The following RBMS3 variants were observed in gnomAD, a reference collection of about 807,000 sequenced individuals.
The protein encoded by RBMS3 is RNA-binding motif, single-stranded-interacting protein 3.
A neutral mutation model predicts 66.8 loss-of-function variants in RBMS3; 27 were observed. The ratio of observed to expected loss-of-function variants is 0.40; its 90% CI spans 0.30 to 0.56. RBMS3 has a LOEUF of 0.56. RBMS3 is among the 20% of genes least tolerant of loss of function. The probability of loss-of-function intolerance (pLI) is 0.40; values close to 1 mark genes in which losing one functional copy is unlikely to be tolerated. For synonymous variants in RBMS3, 188 were observed against 183.0 expected (o/e 1.03, Z -0.22); for missense variants, 513 against 549.5 (o/e 0.93, Z 0.66).
intron 1 of RBMS3, among the ~76,000 whole-genome samples, chr3:29,422,121 G>A (rs892870418): frequency 1.8e-4 from 28 of 152,272 alleles, no homozygotes; most frequent in African/African-American, 6.0e-4. Flanking sequence ...AGGAGATGGA[G>A]ACAAAAGAGG....
At chr3:29,414,326 C>G (rs1238793034) in intron 1 of RBMS3, among the ~76,000 whole-genome samples, 2 of 152,144 alleles carry the variant, frequency 1.3e-5, no homozygotes, top group Non-Finnish European at 2.9e-5. Flanking sequence ...AAGGACCACC[C>G]ACTTTCTCCA....
At chr3:29,381,044 T>A (rs2038742039) in intron 1 of RBMS3, among the ~76,000 whole-genome samples, 1 of 152,170 alleles carries the variant, frequency 6.6e-6, no homozygotes, top group African/African-American at 2.4e-5. Context: ...ATATGATACA[T>A]CATGTGCAAA....
At chr3:29,315,777 A>C (rs1331775169) in intron 1 of RBMS3, among the ~76,000 whole-genome samples, 1 of 151,718 alleles carries the variant, frequency 6.6e-6, no homozygotes, top group Non-Finnish European at 1.5e-5. Flanking sequence ...CCATGAATCA[A>C]ATTTTAGGAG....
intron 10 of RBMS3, among the ~76,000 whole-genome samples, chr3:29,921,572 C>A (rs1296329597): frequency 1.3e-5 from 2 of 151,998 alleles, no homozygotes; most frequent in Non-Finnish European, 2.9e-5. Context: ...ATCAATTAAC[C>A]AGTGAGTTGA....
chr3:29,282,481 A>ATG (rs1289022825), intron 1 of RBMS3, among the ~76,000 whole-genome samples: 2 of 152,040 alleles, frequency 1.3e-5, no homozygotes, highest in African/African-American at 4.8e-5. Flanking sequence ...TTTAGGCTTT[A>ATG]TGTGTGTGTG....
chr3:29,315,725 A>G lies in RBMS3; in HGVS notation c.75+33969A>G, dbSNP rs1421334151. 3.7e-4 allele frequency among the ~76,000 whole-genome samples: 56 copies of G among 151,746 alleles called. 1 individual carries two copies. The highest frequency in any genetic ancestry group is 3.7e-3 in the Admixed American group (56 of 15,186). ...TGATAATACAATCATGCTGCAGTGA[A>G]CACACTAGTTGCTATATTTTGGTAC... On this transcript the variant is annotated intron_variant, in intron 1 of 14. Transcript: ENST00000383767.
intron 4 of RBMS3, among the ~76,000 whole-genome samples, chr3:29,673,295 G>A (rs2051085937): frequency 6.6e-6 from 1 of 152,010 alleles, no homozygotes. Context: ...AGAGAAAGCA[G>A]GAAAGATCTA....
intron 4 of RBMS3, among the ~76,000 whole-genome samples, chr3:29,594,691 T>A (rs1259833145): frequency 4.6e-5 from 7 of 152,356 alleles, no homozygotes; most frequent in Non-Finnish European, 8.8e-5. Flanking sequence ...TTTGTGAATA[T>A]CTGCTTTGTT....
At chr3:29,544,587 A>T (rs953253604) in intron 3 of RBMS3, among the ~76,000 whole-genome samples, 6 of 152,160 alleles carry the variant, frequency 3.9e-5, no homozygotes, top group African/African-American at 1.4e-4. Flanking sequence ...TAGAACAAAA[A>T]GGTGAGGCTA....
chr3:29,936,079 C>A lies in RBMS3; in HGVS notation c.940-7C>A. 1 of 1,609,550 alleles carries A rather than the reference C, an allele frequency of 6.2e-7. No individual in the cohort carries two copies. ...TATTTTCAAATGGACATTGTATATG[C>A]TTGTAGGGTGCTGTGATTACACCAA... On this transcript the variant is annotated splice_region_variant and splice_polypyrimidine_tract_variant and intron_variant, in intron 10 of 14. Transcript: ENST00000383767.
intron 10 of RBMS3, among the ~76,000 whole-genome samples, chr3:29,901,603 T>A (rs1246408363): frequency 2.0e-5 from 3 of 151,750 alleles, no homozygotes; most frequent in South Asian, 2.1e-4. Flanking sequence ...CGTGTTCGCA[T>A]GTATTATTTC....
chr3:29,591,276 G>A (rs993664216), intron 4 of RBMS3, among the ~76,000 whole-genome samples: 1 of 152,084 alleles, frequency 6.6e-6, no homozygotes, highest in African/African-American at 2.4e-5. Context: ...CTGGTGACTC[G>A]GTTATCTCCA....
intron 6 of RBMS3, among the ~76,000 whole-genome samples, chr3:29,786,273 G>C (rs9818759): frequency 0.3 from 45,961 of 151,780 alleles, 7,753 homozygotes; most frequent in African/African-American, 0.46. Context: ...CAAAGGCCAT[G>C]TAAAAATTCA....
intron 1 of RBMS3, among the ~76,000 whole-genome samples, chr3:29,322,123 CTT>C (rs992080895): frequency 1.3e-5 from 2 of 151,890 alleles, no homozygotes; most frequent in Admixed American, 6.6e-5. Flanking sequence ...CTCTTCCTCT[CTT>C]TTATTTTTTT....
At chr3:29,804,920 CGT>C (rs10576635) in intron 6 of RBMS3, among the ~76,000 whole-genome samples, 14,760 of 146,180 alleles carry the variant, frequency 0.1, 905 homozygotes, top group African/African-American at 0.18. Flanking sequence ...TCTGCGTGTA[CGT>C]GTGTGTGTGT....
At chr3:29,331,234 G>C (rs368999505) in intron 1 of RBMS3, among the ~76,000 whole-genome samples, 31 of 152,162 alleles carry the variant, frequency 2.0e-4, no homozygotes, top group Non-Finnish European at 4.1e-4. Context: ...CTGCTTCTGG[G>C]TGTTTGACTT....
At chr3:29,421,123 A>G (rs1450978375) in intron 1 of RBMS3, among the ~76,000 whole-genome samples, 2 of 145,570 alleles carry the variant, frequency 1.4e-5, no homozygotes, top group African/African-American at 5.2e-5. Context: ...TAAAGAAAAA[A>G]AAAAAGAAAA....
At chr3:29,897,197 C>T (rs1201501612) in intron 8 of RBMS3, among the ~76,000 whole-genome samples, 182 bp from the exon 9 acceptor site, 2 of 151,498 alleles carry the variant, frequency 1.3e-5, no homozygotes, top group Non-Finnish European at 3.0e-5. Flanking sequence ...TCATTTCATT[C>T]GGAGCTACTT....
At chr3:29,341,509 C>T (rs1451107372) in intron 1 of RBMS3, among the ~76,000 whole-genome samples, 1 of 151,984 alleles carries the variant, frequency 6.6e-6, no homozygotes, top group Non-Finnish European at 1.5e-5. Context: ...TGTATTTCTA[C>T]TTTTTTATAT....
Sources: gnomAD v4.1 joint callset for allele counts (sites outside exome capture counted in the v4.1 genomes callset) on GRCh38, gnomAD v4.1.1 for gene constraint, MANE v1.5 for transcripts, NCBI Gene and HGNC (gene_info 2026-07-23, HGNC 2026-07-21) for gene names.